Variants in S100A16 observed in about 807,000 individuals in gnomAD.
The protein encoded by S100A16 is S100 calcium binding protein A16.
A neutral mutation model predicts 9.0 loss-of-function variants in S100A16; 8 were observed. The observed-to-expected ratio is 0.89, with a 90% CI of 0.52 to 1.60. The LOEUF (loss-of-function observed/expected upper bound fraction) is 1.60. Ranked by LOEUF, S100A16 falls within the 40% of genes most tolerant of loss-of-function variation. S100A16 has a pLI of 0.00. For missense variants in S100A16, 138 were observed against 132.4 expected (o/e 1.04, Z -0.21); for synonymous variants, 51 against 51.4 (o/e 0.99, Z 0.04).
In S100A16 at chr1:153,607,708, G is replaced by A. The variant is rs1181017646; in HGVS notation, c.154-16C>T. ...TCCCTGTGTCCTGGGGAGGAAGCAG[G>A]GTCAGCAATGCTGATGGTGGAAGCC... On this transcript the variant is annotated splice_polypyrimidine_tract_variant and intron_variant, in intron 2 of 2. Transcript: ENST00000368706. The A allele has an allele frequency of 6.2e-7, 1 of 1,614,044 alleles. No homozygotes were observed. Among genetic ancestry groups the A allele is most frequent in the South Asian group, 1.1e-5 (1 of 91,082 alleles).
At chr1:153,612,388 A>T (rs1666857350) in intron 1 of S100A16, among the ~76,000 whole-genome samples, 1 of 151,190 alleles carries the variant, frequency 6.6e-6, no homozygotes, top group Non-Finnish European at 1.5e-5. Context: ...TTCCTCCCAG[A>T]TCTCATCATC....
At chr1:153,609,335 A>C (rs979905125) in intron 1 of S100A16, 7 of 985,852 alleles carry the variant, frequency 7.1e-6, no homozygotes, top group Non-Finnish European at 7.2e-6. Flanking sequence ...ACTTGTGGCC[A>C]TTCCTACTCC....
chr1:153,608,093 TAGA>T lies in S100A16; in HGVS notation c.56_58del (p.Phe19del), dbSNP rs1162608387. 3 of 1,613,954 alleles carry T rather than the reference TAGA, an allele frequency of 1.9e-6. No homozygotes were observed. The highest frequency in any genetic ancestry group is 1.3e-5 in the African/African-American group (1 of 74,918). On this transcript the variant is annotated inframe_deletion, in exon 2 of 3. Coordinates refer to ENST00000368706, the MANE Select transcript of S100A16 (RefSeq NM_080388.3). ...CAGGCTGTACTTAGACACATATTTG[TAGA>T]AGTTTTCCACCAGGACAATGACTGC...
chr1:153,612,229 C>T (rs1666852879), intron 1 of S100A16, among the ~76,000 whole-genome samples: 1 of 152,114 alleles, frequency 6.6e-6, no homozygotes, highest in South Asian at 2.1e-4. Flanking sequence ...GGGGAAGGCT[C>T]CCATAGTGCA....
chr1:153,607,700 G>A lies in S100A16; in HGVS notation c.154-8C>T, dbSNP rs1571266619. The A allele has an allele frequency of 6.2e-7, 1 of 1,614,140 alleles. No homozygotes were observed. The highest frequency in any genetic ancestry group is 8.5e-7 in the Non-Finnish European group (1 of 1,179,992). On this transcript the variant is annotated splice_polypyrimidine_tract_variant and splice_region_variant and intron_variant, in intron 2 of 2. Transcript: ENST00000368706. ...CTTCCGGTTCCCTGTGTCCTGGGGA[G>A]GAAGCAGGGTCAGCAATGCTGATGG...
At position 153,608,163 on chromosome 1, in the gene S100A16, G is replaced by A. The variant is rs376492605; in HGVS notation, c.-12C>T. ...TAGCAGTCTGACATCTCCCTGCTTC[G>A]CCTGCTGGCGGGGCCTGGACACCAG... On this transcript the variant is annotated 5_prime_UTR_variant, in exon 2 of 3. Transcript: ENST00000368706. The A allele has an allele frequency of 5.3e-5, 85 of 1,612,472 alleles. No homozygotes were observed. Among genetic ancestry groups the A allele is most frequent in the Non-Finnish European group, 6.6e-5 (78 of 1,179,830 alleles).
chr1:153,607,358 T>G lies in S100A16; in HGVS notation c.*176A>C. 1.4e-6 allele frequency: 1 copy of G among 733,658 alleles called. No individual in the cohort carries two copies. Among genetic ancestry groups the G allele is most frequent in the South Asian group, 1.9e-5 (1 of 51,566 alleles). 45.4% of individuals were successfully genotyped at this position (733,658 alleles called of 1,614,324 possible). A position where few individuals can be genotyped will look rare whatever the true frequency, so the allele number is the denominator to read the frequency against. On this transcript the variant is annotated 3_prime_UTR_variant, in exon 3 of 3. Coordinates refer to ENST00000368706, the MANE Select transcript of S100A16 (RefSeq NM_080388.3). ...AGCTGAGACCCCCCAGGGAGGGAGGTACCTCTAGACTGAGACACTCACAAA... is the reference window on the plus strand; with the variant it reads ...AGCTGAGACCCCCCAGGGAGGGAGGGACCTCTAGACTGAGACACTCACAAA...
intron 1 of S100A16, chr1:153,608,995 C>T (rs768105254): frequency 2.3e-5 from 23 of 985,690 alleles, no homozygotes; most frequent in Non-Finnish European, 2.8e-5. Context: ...CCTCTCACCC[C>T]AGGACAAAAG....
intron 1 of S100A16, chr1:153,608,845 C>T (rs1289226370): frequency 2.3e-6 from 2 of 867,812 alleles, no homozygotes; most frequent in Non-Finnish European, 1.4e-6. Flanking sequence ...TCCCTTATTC[C>T]CATCCCTAAA....
Position 153,607,535 on chromosome 1 carries a change from T to G in S100A16, c.311A>C (p.Ter104SerextTer43). The G allele has an allele frequency of 6.2e-7, 1 of 1,614,104 alleles. No individual in the cohort carries two copies. The highest frequency in any genetic ancestry group is 8.5e-7 in the Non-Finnish European group (1 of 1,180,000). ...IHEQEQQSSS[*>S] ...TGGAAGGTGTGGCCAAAGGGGTCTC[T>G]AGCTGCTGCTCTGCTGCTCCTGCTC... The change falls in exon 3 of 3, where the codon TAG becomes TCG. Residue 104 changes from the stop codon to serine (S), a stop_lost. Coordinates refer to ENST00000368706, the MANE Select transcript of S100A16 (RefSeq NM_080388.3).
Position 153,607,505 on chromosome 1 carries a change from G to C in S100A16, c.*29C>G, listed in dbSNP as rs1168752327. ...AGCACCAGGGCGGGGCATCAGGCCA[G>C]TGCCTGGAAGGTGTGGCCAAAGGGG... is the stretch of plus-strand genomic sequence containing the variant. On this transcript the variant is annotated 3_prime_UTR_variant, in exon 3 of 3. Coordinates refer to ENST00000368706, the MANE Select transcript of S100A16 (RefSeq NM_080388.3). 20 of 1,613,470 alleles carry C rather than the reference G, an allele frequency of 1.2e-5. No homozygotes were observed. Among genetic ancestry groups the C allele is most frequent in the Non-Finnish European group, 1.7e-5 (20 of 1,179,786 alleles).
intron 1 of S100A16, 113 bp from the exon 2 acceptor site, chr1:153,608,290 G>T: frequency 1.2e-6 from 1 of 845,004 alleles, no homozygotes; most frequent in East Asian, 2.6e-5. Context: ...TCTGGTCCCT[G>T]GAGAAGAAGG....
rs999013052 is a variant in S100A16 at position 153,607,193 on chromosome 1, G to C, written c.*341C>G. The stretch of plus-strand genomic sequence containing the variant: ...CAAGCTGACCTTTGGAGGTCAGGAC[G>C]GACCCAGAATCAGGCAGGAATTTGG... On this transcript the variant is annotated 3_prime_UTR_variant, in exon 3 of 3. Coordinates refer to ENST00000368706, the MANE Select transcript of S100A16 (RefSeq NM_080388.3). The C allele has an allele frequency of 2.3e-6, 1 of 426,850 alleles. No individual in the cohort carries two copies. Among genetic ancestry groups the C allele is most frequent in the Non-Finnish European group, 4.5e-6 (1 of 223,016 alleles). The allele number at this position is 426,850 out of a possible 1,614,324, so 26.4% of individuals were successfully genotyped here. A position where few individuals can be genotyped will look rare whatever the true frequency, so the allele number is the denominator to read the frequency against.
intron 1 of S100A16, among the ~76,000 whole-genome samples, chr1:153,612,319 C>G (rs1215763818): frequency 6.6e-6 from 1 of 152,140 alleles, no homozygotes; most frequent in East Asian, 1.9e-4. Flanking sequence ...GTTCAGCCCC[C>G]CTCTCTCTAT....
chr1:153,612,133 T>A (rs1242513948), intron 1 of S100A16, among the ~76,000 whole-genome samples: 1 of 150,298 alleles, frequency 6.7e-6, no homozygotes, highest in African/African-American at 2.5e-5. Flanking sequence ...TACCCCAGCC[T>A]CAACAACACT....
chr1:153,607,869 G>A (rs1240213006), intron 2 of S100A16, 130 bp downstream of exon 2: 2 of 1,191,328 alleles, frequency 1.7e-6, no homozygotes, highest in African/African-American at 3.0e-5. Context: ...TGGGGGTGTA[G>A]AAGACCCTGG....
chr1:153,608,865 G>T, intron 1 of S100A16: 1 of 949,978 alleles, frequency 1.1e-6, no homozygotes, highest in Non-Finnish European at 1.3e-6. Flanking sequence ...ATACACAGCA[G>T]GACCCAAGAA....
At chr1:153,609,107 C>A (rs755574697) in intron 1 of S100A16, 1 of 985,800 alleles carries the variant, frequency 1.0e-6, no homozygotes, top group Non-Finnish European at 1.2e-6. Context: ...AAAACCCCCC[C>A]ACATCAACCC....
rs950261384 is a variant in S100A16 at position 153,609,880 on chromosome 1, A to G, written c.-26-1703T>C. Among the ~76,000 whole-genome samples the G allele has an allele frequency of 3.9e-5, 6 of 152,212 alleles. No homozygotes were observed. In the South Asian group the frequency reaches 8.3e-4, roughly 21 times the overall value. On this transcript the variant is annotated intron_variant, in intron 1 of 2. Coordinates refer to ENST00000368706, the MANE Select transcript of S100A16 (RefSeq NM_080388.3). ...AGGAAGCAAGAAGGAAGGAGAGTTG[A>G]GAGGAAGAGTCAGGCTGCGGCTTCT...
Sources: gnomAD v4.1 joint callset for allele counts (sites outside exome capture counted in the v4.1 genomes callset) on GRCh38, gnomAD v4.1.1 for gene constraint, MANE v1.5 for transcripts, NCBI Gene and HGNC (gene_info 2026-07-23, HGNC 2026-07-21) for gene names.